The following BARX2 variants were observed in gnomAD, a reference collection of about 807,000 sequenced individuals.
BARX2 encodes homeobox protein BarH-like 2.
Under a neutral mutation model 25.5 loss-of-function variants are expected in BARX2, and 11 were observed. The observed-to-expected ratio is 0.43, with a 90% confidence interval of 0.27 to 0.71. The LOEUF is 0.71. BARX2 is among the 30% of genes least tolerant of loss of function. The pLI, the probability that BARX2 is intolerant of heterozygous loss-of-function variation, is 0.19. For missense variants in BARX2, 360 were observed against 359.9 expected (o/e 1.00, Z 0.00); for synonymous variants, 137 against 149.5 (o/e 0.92, Z 0.61).
At chr11:129,425,160 G>A (rs1188225880) in intron 1 of BARX2, among the ~76,000 whole-genome samples, 1 of 152,146 alleles carries the variant, frequency 6.6e-6, no homozygotes, top group African/African-American at 2.4e-5. Context: ...CCTGATTCCA[G>A]GTAAAATCAA....
intron 1 of BARX2, among the ~76,000 whole-genome samples, chr11:129,407,935 C>T (rs1444255912): frequency 6.8e-6 from 1 of 147,264 alleles, no homozygotes; most frequent in Non-Finnish European, 1.5e-5. Flanking sequence ...GGCGCGGTGG[C>T]TCACACCTGT....
chr11:129,401,478 G>A (rs1861774930), intron 1 of BARX2, among the ~76,000 whole-genome samples: 1 of 152,126 alleles, frequency 6.6e-6, no homozygotes, highest in African/African-American at 2.4e-5. Context: ...ATTTAATCAT[G>A]CAATTTTGTG....
intron 1 of BARX2, among the ~76,000 whole-genome samples, chr11:129,430,969 C>G (rs1862121882): frequency 6.6e-6 from 1 of 152,182 alleles, no homozygotes; most frequent in African/African-American, 2.4e-5. Context: ...TCCAGCAATT[C>G]TCATGCCACA....
rs146455268 is a variant in BARX2 at position 129,382,129 on chromosome 11, A to G, written c.187+5907A>G. On this transcript the variant is annotated intron_variant, in intron 1 of 3. Transcript: ENST00000281437. The stretch of plus-strand genomic sequence containing the variant: ...AGGTCAGGTAGGAGGAGCAGCAGAG[A>G]TGCAAAGGTAGGTACGTCACATGGG... 5.3e-5 allele frequency among the ~76,000 whole-genome samples: 8 copies of G among 152,274 alleles called. 1 individual carries two copies. Among genetic ancestry groups the G allele is most frequent in the South Asian group, 4.2e-4 (2 of 4,818 alleles).
At chr11:129,380,812 GT>G (rs5795668) in intron 1 of BARX2, among the ~76,000 whole-genome samples, 71,724 of 146,834 alleles carry the variant, frequency 0.49, 17,146 homozygotes, top group East Asian at 0.57. Flanking sequence ...TTAGGAGTCA[GT>G]TTTTTTTTTT....
chr11:129,439,278 A>AT (rs960327390), intron 2 of BARX2, among the ~76,000 whole-genome samples: 124 of 150,454 alleles, frequency 8.2e-4, no homozygotes, highest in Middle Eastern at 6.8e-3. Context: ...GAGGAGGACA[A>AT]TTTTTTTTTT....
chr11:129,384,653 C>G (rs545112401), intron 1 of BARX2, among the ~76,000 whole-genome samples: 1 of 152,322 alleles, frequency 6.6e-6, no homozygotes, highest in Non-Finnish European at 1.5e-5. Flanking sequence ...ATTGCATCTT[C>G]TTATCTTGAG....
chr11:129,402,825 G>T (rs1310275285), intron 1 of BARX2, among the ~76,000 whole-genome samples: 1 of 152,186 alleles, frequency 6.6e-6, no homozygotes, highest in Non-Finnish European at 1.5e-5. Context: ...TGTAGACACA[G>T]AGGGAGATCC....
At chr11:129,411,171 AC>A (rs1861882495) in intron 1 of BARX2, among the ~76,000 whole-genome samples, 1 of 152,074 alleles carries the variant, frequency 6.6e-6, no homozygotes, top group East Asian at 1.9e-4. Flanking sequence ...AGAGTTCGAG[AC>A]CATCCTGGCT....
intron 1 of BARX2, among the ~76,000 whole-genome samples, chr11:129,425,048 G>A (rs779790143): frequency 5.3e-5 from 8 of 152,202 alleles, no homozygotes; most frequent in Non-Finnish European, 7.3e-5. Flanking sequence ...TTGTAGAGAA[G>A]TATTACTATT....
At chr11:129,399,387 GTC>G (rs148566721) in intron 1 of BARX2, among the ~76,000 whole-genome samples, 2 of 151,418 alleles carry the variant, frequency 1.3e-5, no homozygotes, top group East Asian at 1.9e-4. Context: ...CTACCTCTCT[GTC>G]TCTCTCTCTC....
chr11:129,394,307 T>TG (rs1861696279), intron 1 of BARX2, among the ~76,000 whole-genome samples: 1 of 152,256 alleles, frequency 6.6e-6, no homozygotes, highest in Non-Finnish European at 1.5e-5. Context: ...GCTTTGCGGT[T>TG]GTTTTTGCTG....
chr11:129,395,568 C>T (rs1007007712), intron 1 of BARX2, among the ~76,000 whole-genome samples: 2 of 152,178 alleles, frequency 1.3e-5, no homozygotes, highest in African/African-American at 4.8e-5. Flanking sequence ...CTCCGGCCCT[C>T]CCGGTCACAC....
At chr11:129,381,273 T>C (rs1326157978) in intron 1 of BARX2, among the ~76,000 whole-genome samples, 1 of 152,216 alleles carries the variant, frequency 6.6e-6, no homozygotes, top group Non-Finnish European at 1.5e-5. Flanking sequence ...GCATTGTCAT[T>C]GAGTCTATTA....
At chr11:129,449,124 G>A (rs913476185) in intron 3 of BARX2, among the ~76,000 whole-genome samples, 21 of 152,170 alleles carry the variant, frequency 1.4e-4, no homozygotes, top group African/African-American at 5.1e-4. Flanking sequence ...AAATTGCATT[G>A]TGGTGATAGT....
intron 1 of BARX2, among the ~76,000 whole-genome samples, chr11:129,405,604 A>T (rs1178320024): frequency 6.6e-6 from 1 of 152,230 alleles, no homozygotes; most frequent in East Asian, 1.9e-4. Context: ...GATGATAGAT[A>T]AAATGTGATT....
intron 1 of BARX2, among the ~76,000 whole-genome samples, chr11:129,392,529 C>T (rs561291641): frequency 4.6e-5 from 7 of 152,288 alleles, no homozygotes; most frequent in South Asian, 2.1e-4. Flanking sequence ...AATAACAATA[C>T]ACACACATAA....
At chr11:129,395,390 CCT>C (rs1171277899) in intron 1 of BARX2, among the ~76,000 whole-genome samples, 2 of 152,182 alleles carry the variant, frequency 1.3e-5, no homozygotes, top group African/African-American at 4.8e-5. Flanking sequence ...ATGGCACAGG[CCT>C]CTCTGACAGC....
chr11:129,447,614 C>T (rs1208367815), intron 3 of BARX2, among the ~76,000 whole-genome samples: 2 of 152,086 alleles, frequency 1.3e-5, no homozygotes, highest in Admixed American at 6.5e-5. Context: ...TAGTTATCTC[C>T]TAATTATTGC....
Sources: allele counts gnomAD v4.1 joint callset (sites outside exome capture counted in the v4.1 genomes callset), GRCh38; gene constraint gnomAD v4.1.1; transcripts MANE v1.5; gene names NCBI Gene and HGNC (gene_info 2026-07-23, HGNC 2026-07-21).